Variants in REEP5 observed in about 807,000 individuals in gnomAD.
REEP5 encodes receptor expression-enhancing protein 5.
A neutral mutation model predicts 22.4 loss-of-function variants in REEP5; 24 were observed. The observed-to-expected ratio is 1.07, with a 90% CI of 0.78 to 1.51. The LOEUF (loss-of-function observed/expected upper bound fraction) is 1.51, where lower values mean the gene tolerates loss of function less well. Among genes scored for constraint, REEP5 ranks in the 40% most tolerant of loss-of-function variants. The probability of loss-of-function intolerance (pLI) is 0.00; values close to 1 mark genes in which losing one functional copy is unlikely to be tolerated. For synonymous variants in REEP5, 103 were observed against 88.6 expected (o/e 1.16, Z -0.92); for missense variants, 252 against 233.0 (o/e 1.08, Z -0.53).
chr5:112,891,609 A>ATT lies in REEP5; in HGVS notation c.352-4427_352-4426insAA. 1.9e-6 allele frequency: 3 copies of ATT among 1,572,152 alleles called. No individual in the cohort carries two copies. In the South Asian group the frequency reaches 3.5e-5, roughly 18 times the overall value. On this transcript the variant is annotated intron_variant, in intron 3 of 4. Coordinates refer to ENST00000379638, the MANE Select transcript of REEP5 (RefSeq NM_005669.5). ...CTTCCATATATTCCCATAGGTTAAG[A>ATT]ATGTCTGAGGGGTCAGGCGGTGCTG...
Position 112,922,201 on chromosome 5 carries a change from G to A in REEP5, c.-11C>T, listed in dbSNP as rs537831514. The A allele has an allele frequency of 5.4e-5, 86 of 1,602,078 alleles. No homozygotes were observed. In the Middle Eastern group the frequency reaches 6.6e-4, roughly 12 times the overall value. The stretch of plus-strand genomic sequence containing the variant: ...CATGGCCGCAGACATGGCGGGGACC[G>A]TCTCGCCGCTCGGGGCTGTTCCTAG... On this transcript the variant is annotated 5_prime_UTR_variant, in exon 1 of 5. The change creates a new upstream start codon in the 5' untranslated region. Coordinates refer to ENST00000379638, the MANE Select transcript of REEP5 (RefSeq NM_005669.5).
intron 2 of REEP5, among the ~76,000 whole-genome samples, chr5:112,916,691 T>G (rs978975903): frequency 6.6e-6 from 1 of 152,218 alleles, no homozygotes; most frequent in Admixed American, 6.5e-5. Context: ...TTGTGGGACA[T>G]TCAAAGAGCC....
At position 112,877,838 on chromosome 5, in the gene REEP5, T is replaced by G. The variant is rs1352198023; in HGVS notation, c.*948A>C. ...AAAAAAGAAGATTGGGAAAGAAGAC[T>G]AAATCAACATGTTTCTCCGCTTTGA... is the stretch of plus-strand genomic sequence containing the variant. On this transcript the variant is annotated 3_prime_UTR_variant, in exon 5 of 5. Coordinates refer to ENST00000379638, the MANE Select transcript of REEP5 (RefSeq NM_005669.5). 1 of 152,210 alleles carries G rather than the reference T, an allele frequency of 6.6e-6. No homozygotes were observed. The highest frequency in any genetic ancestry group is 1.5e-5 in the Non-Finnish European group (1 of 68,030). 9.4% of individuals were successfully genotyped at this position (152,210 alleles called of 1,614,324 possible).
At chr5:112,900,022 C>A (rs1244923956) in intron 3 of REEP5, among the ~76,000 whole-genome samples, 1 of 152,190 alleles carries the variant, frequency 6.6e-6, no homozygotes, top group Non-Finnish European at 1.5e-5. Context: ...CCTATACATT[C>A]ACCAATACCA....
intron 2 of REEP5, among the ~76,000 whole-genome samples, chr5:112,920,457 C>T (rs981412758): frequency 6.6e-6 from 1 of 151,652 alleles, no homozygotes; most frequent in Non-Finnish European, 1.5e-5. Flanking sequence ...CCTACTTGAA[C>T]GAATGGAAAA....
chr5:112,901,409 A>T (rs1277700456), intron 3 of REEP5, among the ~76,000 whole-genome samples: 1 of 152,156 alleles, frequency 6.6e-6, no homozygotes, highest in Non-Finnish European at 1.5e-5. Context: ...ACAGTTGAAA[A>T]TTAGATGGTC....
intron 1 of REEP5, 40 bp downstream of exon 1, chr5:112,922,033 C>G: frequency 6.4e-7 from 1 of 1,571,628 alleles, no homozygotes; most frequent in Non-Finnish European, 8.6e-7. Flanking sequence ...AGCGGCGGCT[C>G]CCGTGGCCCT....
intron 2 of REEP5, among the ~76,000 whole-genome samples, chr5:112,917,224 CAT>C (rs1464486024): frequency 6.6e-6 from 1 of 152,204 alleles, no homozygotes; most frequent in Non-Finnish European, 1.5e-5. Flanking sequence ...GCCCCCTAAA[CAT>C]ATTTAATCTT....
intron 2 of REEP5, among the ~76,000 whole-genome samples, chr5:112,908,090 C>G (rs112454645): frequency 0.27 from 32,035 of 117,268 alleles, 4,450 homozygotes; most frequent in Non-Finnish European, 0.31. Context: ...CAGAGACTTT[C>G]TTTGTTTTTT....
Position 112,878,761 on chromosome 5 carries a change from G to A in REEP5, c.*25C>T, listed in dbSNP as rs1580724905. 2 of 1,614,006 alleles carry A rather than the reference G, an allele frequency of 1.2e-6. No homozygotes were observed. ...GCTCCAGTAGGAAGGTACAGAGAGG[G>A]CAGGAAGTTTCCATCCAGTCTGGTT... On this transcript the variant is annotated 3_prime_UTR_variant, in exon 5 of 5. Coordinates refer to ENST00000379638, the MANE Select transcript of REEP5 (RefSeq NM_005669.5).
chr5:112,916,928 G>A (rs7730241), intron 2 of REEP5, among the ~76,000 whole-genome samples: 6,618 of 152,266 alleles, frequency 0.043, 381 homozygotes, highest in East Asian at 0.13. Flanking sequence ...CTTAGACAGA[G>A]ATATGTACAT....
intron 4 of REEP5, 123 bp from the exon 5 acceptor site, chr5:112,878,958 G>A (rs17135100): frequency 0.015 from 21,777 of 1,470,106 alleles, 887 homozygotes; most frequent in East Asian, 0.15. Flanking sequence ...ATGTTCAGGT[G>A]CGATCATGTT....
At chr5:112,904,299 C>T (rs1349743754) in intron 2 of REEP5, among the ~76,000 whole-genome samples, 2 of 152,168 alleles carry the variant, frequency 1.3e-5, no homozygotes, top group African/African-American at 2.4e-5. Context: ...AACCAAAGAA[C>T]ACAGTATATC....
intron 3 of REEP5, chr5:112,891,795 G>C: frequency 6.2e-7 from 1 of 1,608,656 alleles, no homozygotes; most frequent in Middle Eastern, 1.7e-4. Flanking sequence ...CACAGGAGGA[G>C]GAAGAGGACA....
intron 2 of REEP5, among the ~76,000 whole-genome samples, chr5:112,919,106 A>G (rs1769293859): frequency 1.3e-5 from 2 of 152,192 alleles, no homozygotes; most frequent in Non-Finnish European, 2.9e-5. Context: ...CTGGCTAGGG[A>G]GCATAAGAGT....
At chr5:112,893,172 G>A (rs1768553603) in intron 3 of REEP5, 1 of 579,510 alleles carries the variant, frequency 1.7e-6, no homozygotes, top group South Asian at 2.2e-5. Flanking sequence ...CACTTTAGGA[G>A]GCTGAGGTGG....
intron 2 of REEP5, among the ~76,000 whole-genome samples, chr5:112,909,740 C>T (rs1769048183): frequency 6.6e-6 from 1 of 152,184 alleles, no homozygotes; most frequent in African/African-American, 2.4e-5. Flanking sequence ...CAGTTCACTC[C>T]ACCCTTGCTG....
chr5:112,921,562 G>T (rs1580759959), intron 1 of REEP5: 1 of 425,810 alleles, frequency 2.3e-6, no homozygotes, highest in Non-Finnish European at 4.4e-6. Context: ...CCCTCTCGCA[G>T]GGCCTGCTGG....
intron 2 of REEP5, among the ~76,000 whole-genome samples, chr5:112,904,201 G>A (rs900842503): frequency 1.3e-5 from 2 of 152,146 alleles, no homozygotes; most frequent in African/African-American, 4.8e-5. Context: ...TGTAATGTAT[G>A]CACAAAGTCT....
Sources: allele counts gnomAD v4.1 joint callset (sites outside exome capture counted in the v4.1 genomes callset), GRCh38; gene constraint gnomAD v4.1.1; transcripts MANE v1.5; gene names NCBI Gene and HGNC (gene_info 2026-07-23, HGNC 2026-07-21).